Variants in BCKDHB observed in about 807,000 individuals in gnomAD.
BCKDHB encodes the protein branched chain keto acid dehydrogenase E1 subunit beta.
In BCKDHB, 41 loss-of-function variants were observed where a neutral mutation model predicts 48.5. The ratio of observed to expected loss-of-function variants is 0.85; its 90% CI spans 0.66 to 1.10. The LOEUF is 1.10. Among genes scored for constraint, BCKDHB ranks in the 50% least tolerant of loss-of-function variants. The probability of loss-of-function intolerance (pLI) is 0.00; values close to 1 mark genes in which losing one functional copy is unlikely to be tolerated. For missense variants in BCKDHB, 496 were observed against 494.2 expected (o/e 1.00, Z -0.03); for synonymous variants, 201 against 174.8 (o/e 1.15, Z -1.18).
intron 3 of BCKDHB, among the ~76,000 whole-genome samples, chr6:80,150,287 A>G (rs988874484): frequency 2.6e-5 from 4 of 152,082 alleles, no homozygotes; most frequent in African/African-American, 9.6e-5. Flanking sequence ...CTTATTTTCA[A>G]CCATGTATTT....
the BCKDHB span, among the ~76,000 whole-genome samples, chr6:80,425,299 A>G: frequency 2.6e-5 from 4 of 152,196 alleles, no homozygotes; most frequent in Admixed American, 6.5e-5. Flanking sequence ...AAAATACTTA[A>G]TTTATCCAAT....
At chr6:80,152,165 T>TG (rs1250323768) in intron 3 of BCKDHB, among the ~76,000 whole-genome samples, 1 of 152,172 alleles carries the variant, frequency 6.6e-6, no homozygotes, top group African/African-American at 2.4e-5. Context: ...GTATTCTTTT[T>TG]TTTTTTAATC....
the BCKDHB span, among the ~76,000 whole-genome samples, chr6:80,452,394 A>G: frequency 2.0e-5 from 3 of 152,222 alleles, no homozygotes; most frequent in Non-Finnish European, 4.4e-5. Context: ...CCTTCATAAC[A>G]GAAATGGAGA....
intron 9 of BCKDHB, among the ~76,000 whole-genome samples, chr6:80,308,747 A>G (rs1471307938): frequency 6.6e-6 from 1 of 151,762 alleles, no homozygotes; most frequent in Non-Finnish European, 1.5e-5. Context: ...GGCGCCCGCC[A>G]CCACGCCCGG....
chr6:80,245,212 T>C (rs182491356), intron 8 of BCKDHB, among the ~76,000 whole-genome samples: 1 of 152,248 alleles, frequency 6.6e-6, no homozygotes, highest in Admixed American at 6.5e-5. Context: ...TATACTGTCT[T>C]AGTGGGAGAG....
intron 8 of BCKDHB, among the ~76,000 whole-genome samples, chr6:80,207,817 T>A (rs1774738573): frequency 6.6e-6 from 1 of 151,808 alleles, no homozygotes; most frequent in African/African-American, 2.4e-5. Flanking sequence ...CCTAAGTCTA[T>A]TTCATCCTTA....
chr6:80,416,009 T>G, the BCKDHB span, among the ~76,000 whole-genome samples: 2 of 151,924 alleles, frequency 1.3e-5, no homozygotes, highest in African/African-American at 4.8e-5. Context: ...GGAGGGTGTA[T>G]TTCTTCAGGA....
At chr6:80,203,598 G>C (rs924628376) in intron 8 of BCKDHB, among the ~76,000 whole-genome samples, 4 of 152,018 alleles carry the variant, frequency 2.6e-5, no homozygotes, top group Non-Finnish European at 5.9e-5. Flanking sequence ...TGATTTGGCT[G>C]AATTTTCATT....
At chr6:80,281,373 A>G (rs976681323) in intron 9 of BCKDHB, among the ~76,000 whole-genome samples, 1 of 152,208 alleles carries the variant, frequency 6.6e-6, no homozygotes, top group Non-Finnish European at 1.5e-5. Context: ...TACATGAGAC[A>G]AGTGCAGAAG....
At chr6:80,267,280 C>T (rs2127957416) in intron 8 of BCKDHB, among the ~76,000 whole-genome samples, 1 of 152,160 alleles carries the variant, frequency 6.6e-6, no homozygotes, top group Middle Eastern at 3.4e-3. Context: ...GCTGCCTTCA[C>T]CTTATTACTG....
At chr6:80,416,202 C>T in the BCKDHB span, among the ~76,000 whole-genome samples, 1 of 147,804 alleles carries the variant, frequency 6.8e-6, no homozygotes, top group East Asian at 2.0e-4. Context: ...TTTATTAGTT[C>T]TTCCAGAAAA....
rs201097367 is a variant in BCKDHB, at chr6:80,213,668, G to T, written c.951+10456G>T. ...AAGTTCTTGGGAAGTGTTTTTTTTT[G>T]TTTTTTTTTTTTTAATTTTAACAAA... On this transcript the variant is annotated intron_variant, in intron 8 of 9. Transcript: ENST00000320393. 2.1e-3 allele frequency among the ~76,000 whole-genome samples: 274 copies of T among 128,300 alleles called. 1 individual carries two copies. The highest frequency in any genetic ancestry group is 6.1e-3 in the African/African-American group (200 of 32,544). The allele number at this position is 128,300 out of a possible 152,430, so 84.2% of individuals were successfully genotyped here.
At chr6:80,225,074 A>C (rs190182527) in intron 8 of BCKDHB, among the ~76,000 whole-genome samples, 8 of 152,352 alleles carry the variant, frequency 5.3e-5, no homozygotes, top group African/African-American at 1.9e-4. Flanking sequence ...ATTCGAAGAC[A>C]GCCTCCTCAT....
At chr6:80,179,851 C>T (rs1054016995) in intron 6 of BCKDHB, among the ~76,000 whole-genome samples, 1 of 152,132 alleles carries the variant, frequency 6.6e-6, no homozygotes, top group African/African-American at 2.4e-5. Flanking sequence ...AGTCATATGT[C>T]CCCAGATAGA....
In BCKDHB at chr6:80,344,468, C is replaced by T. The variant is rs1335908402; in HGVS notation, c.*664C>T. The T allele has an allele frequency of 6.5e-6, 1 of 154,414 alleles. No homozygotes were observed. Among genetic ancestry groups the T allele is most frequent in the African/African-American group, 2.4e-5 (1 of 41,180 alleles). The allele number at this position is 154,414 out of a possible 1,614,324, so 9.6% of individuals were successfully genotyped here. A position where few individuals can be genotyped will look rare whatever the true frequency, so the allele number is the denominator to read the frequency against. ...TCAAGCGATTGTCCTGCCTCAGTCT[C>T]CTGAGTAGCTGGGACTACAGGTGTG... On this transcript the variant is annotated 3_prime_UTR_variant, in exon 10 of 10. Coordinates refer to ENST00000320393, the MANE Select transcript of BCKDHB (RefSeq NM_183050.4).
chr6:80,331,782 G>A (rs1304325448), intron 9 of BCKDHB, among the ~76,000 whole-genome samples: 1 of 152,150 alleles, frequency 6.6e-6, no homozygotes, highest in African/African-American at 2.4e-5. Context: ...TGCTTTGGAG[G>A]GAGAATAGAC....
At chr6:80,237,533 T>G (rs553096771) in intron 8 of BCKDHB, among the ~76,000 whole-genome samples, 1 of 152,332 alleles carries the variant, frequency 6.6e-6, no homozygotes, top group Admixed American at 6.5e-5. Context: ...TCATACTTAG[T>G]GTTTATTATG....
At chr6:80,388,885 T>G in the BCKDHB span, among the ~76,000 whole-genome samples, 2 of 152,182 alleles carry the variant, frequency 1.3e-5, no homozygotes, top group Non-Finnish European at 2.9e-5. Flanking sequence ...TGGGCAGAAC[T>G]TCGAGCAGTG....
At chr6:80,126,191 T>C (rs1230961974) in intron 1 of BCKDHB, among the ~76,000 whole-genome samples, 1 of 152,180 alleles carries the variant, frequency 6.6e-6, no homozygotes, top group Non-Finnish European at 1.5e-5. Context: ...GCAGAGGACG[T>C]ATCTGACTGG....
Sources: allele counts gnomAD v4.1 joint callset (sites outside exome capture counted in the v4.1 genomes callset), GRCh38; gene constraint gnomAD v4.1.1; transcripts MANE v1.5; gene names NCBI Gene and HGNC (gene_info 2026-07-23, HGNC 2026-07-21).